SCAMP1: variants seen among roughly 807,000 people sequenced by gnomAD.
SCAMP1 encodes the protein secretory carrier membrane protein 1.
SCAMP1 carries 15 observed loss-of-function variants against 41.8 expected under a neutral mutation model. The ratio of observed to expected loss-of-function variants is 0.36; its 90% CI spans 0.24 to 0.55. SCAMP1 has a LOEUF of 0.55. Among genes scored for constraint, SCAMP1 ranks in the 20% least tolerant of loss-of-function variants. The pLI is 0.86. For synonymous variants in SCAMP1, 135 were observed against 136.8 expected (o/e 0.99, Z 0.09); for missense variants, 341 against 412.6 (o/e 0.83, Z 1.50).
chr5:78,458,792 A>G (rs973202891), intron 7 of SCAMP1, among the ~76,000 whole-genome samples: 6 of 152,172 alleles, frequency 3.9e-5, no homozygotes, highest in Admixed American at 2.0e-4. Flanking sequence ...AGGTAGGAGA[A>G]TCGCTTGAAC....
chr5:78,377,300 T>C (rs1340156257), intron 1 of SCAMP1, among the ~76,000 whole-genome samples: 2 of 152,190 alleles, frequency 1.3e-5, no homozygotes, highest in African/African-American at 4.8e-5. Context: ...TGCTCCCTTT[T>C]CTGGCCACCT....
At chr5:78,408,375 C>G (rs990833946) in intron 2 of SCAMP1, among the ~76,000 whole-genome samples, 1 of 152,104 alleles carries the variant, frequency 6.6e-6, no homozygotes, top group Non-Finnish European at 1.5e-5. Context: ...TCCCATGACA[C>G]GTGGGAATTA....
At chr5:78,389,733 C>T (rs1037632216) in intron 2 of SCAMP1, among the ~76,000 whole-genome samples, 1 of 151,516 alleles carries the variant, frequency 6.6e-6, no homozygotes, top group African/African-American at 2.4e-5. Context: ...TTTTAAAGTT[C>T]TTTTGATGAT....
chr5:78,398,662 G>T (rs1303828936), intron 2 of SCAMP1, among the ~76,000 whole-genome samples: 2 of 145,408 alleles, frequency 1.4e-5, no homozygotes, highest in Non-Finnish European at 1.5e-5. Context: ...TCCTGCCTCA[G>T]CCTCCTGAGT....
chr5:78,430,492 C>G (rs546068273), intron 6 of SCAMP1, among the ~76,000 whole-genome samples: 1 of 151,540 alleles, frequency 6.6e-6, no homozygotes, highest in Admixed American at 6.6e-5. Flanking sequence ...GTTTATATAA[C>G]CAGAAAAAGA....
At chr5:78,382,804 T>A (rs1751240585) in intron 1 of SCAMP1, among the ~76,000 whole-genome samples, 1 of 136,060 alleles carries the variant, frequency 7.3e-6, no homozygotes, top group Non-Finnish European at 1.6e-5. Context: ...TGTGTGTGTG[T>A]GTGTGTGTGT....
chr5:78,439,591 G>A (rs957656050), intron 6 of SCAMP1, among the ~76,000 whole-genome samples: 1 of 152,306 alleles, frequency 6.6e-6, no homozygotes, highest in Non-Finnish European at 1.5e-5. Flanking sequence ...TCTGCTGTTA[G>A]TCTGATGGGC....
chr5:78,417,382 G>A (rs1259461135), intron 4 of SCAMP1, among the ~76,000 whole-genome samples: 1 of 152,214 alleles, frequency 6.6e-6, no homozygotes, highest in Non-Finnish European at 1.5e-5. Flanking sequence ...CTTGCTTGCA[G>A]CATCAGAGGT....
chr5:78,466,668 G>A (rs1753758423), intron 8 of SCAMP1, among the ~76,000 whole-genome samples: 1 of 152,170 alleles, frequency 6.6e-6, no homozygotes, highest in African/African-American at 2.4e-5. Context: ...ACAGGGTCTT[G>A]TTAAGAAGTT....
At position 78,397,404 on chromosome 5, in the gene SCAMP1, A is replaced by C. The variant is rs191507532; in HGVS notation, c.135+8490A>C. Reference sequence around the variant, plus strand: ...GAAGAAGACATAAGAGTAAATCTTCATGACCTTTAGTTAGGCCATGGTTTC... The same window carrying C: ...GAAGAAGACATAAGAGTAAATCTTCCTGACCTTTAGTTAGGCCATGGTTTC... On this transcript the variant is annotated intron_variant, in intron 2 of 8. Coordinates refer to ENST00000621999, the MANE Select transcript of SCAMP1 (RefSeq NM_004866.6). Among the ~76,000 whole-genome samples, 362 of 152,344 alleles carry C rather than the reference A, an allele frequency of 2.4e-3. 1 individual carries two copies. The highest frequency in any genetic ancestry group is 6.3e-3 in the Admixed American group (96 of 15,304).
chr5:78,465,842 TTTC>T (rs1035017707), intron 8 of SCAMP1, among the ~76,000 whole-genome samples: 2 of 152,168 alleles, frequency 1.3e-5, no homozygotes, highest in Non-Finnish European at 2.9e-5. Flanking sequence ...ACAAGTGGGA[TTTC>T]TTCTTCCTCA....
chr5:78,384,080 ATTTG>A (rs1279766182), intron 1 of SCAMP1, among the ~76,000 whole-genome samples: 1 of 148,232 alleles, frequency 6.7e-6, no homozygotes, highest in African/African-American at 2.5e-5. Flanking sequence ...ATGTGTTTTC[ATTTG>A]TTTGTGTCAT....
intron 2 of SCAMP1, among the ~76,000 whole-genome samples, chr5:78,400,719 AT>A (rs1300998601): frequency 6.6e-6 from 1 of 152,164 alleles, no homozygotes; most frequent in Non-Finnish European, 1.5e-5. Flanking sequence ...CCTTAGTATA[AT>A]CATTTATTAG....
chr5:78,442,373 C>G (rs1355582232), intron 6 of SCAMP1, among the ~76,000 whole-genome samples: 2 of 152,138 alleles, frequency 1.3e-5, no homozygotes, highest in African/African-American at 4.8e-5. Context: ...TGGGTTCAAG[C>G]AGTTCTCCTG....
At chr5:78,464,833 G>A (rs1303320582) in intron 8 of SCAMP1, among the ~76,000 whole-genome samples, 6 of 152,050 alleles carry the variant, frequency 3.9e-5, no homozygotes, top group Admixed American at 3.3e-4. Flanking sequence ...TTGTCCTCTC[G>A]GAGAATCACA....
At chr5:78,362,658 T>A (rs543943146) in intron 1 of SCAMP1, among the ~76,000 whole-genome samples, 2 of 152,362 alleles carry the variant, frequency 1.3e-5, no homozygotes, top group South Asian at 4.1e-4. Context: ...TTATGATCTT[T>A]CTCTGTTTTT....
At chr5:78,386,189 C>G (rs749923613) in intron 1 of SCAMP1, among the ~76,000 whole-genome samples, 4 of 152,034 alleles carry the variant, frequency 2.6e-5, no homozygotes, top group Non-Finnish European at 5.9e-5. Flanking sequence ...TGGACTATTC[C>G]TTTTATCATC....
chr5:78,393,449 G>A (rs1751568930), intron 2 of SCAMP1, among the ~76,000 whole-genome samples: 5 of 152,156 alleles, frequency 3.3e-5, no homozygotes, highest in South Asian at 4.1e-4. Flanking sequence ...TGGGATTTTA[G>A]GTGTGAGCTA....
intron 1 of SCAMP1, among the ~76,000 whole-genome samples, chr5:78,381,079 CTG>C (rs978964336): frequency 6.1e-5 from 9 of 147,668 alleles, no homozygotes; most frequent in Admixed American, 2.7e-4. Flanking sequence ...AAAAAAAAAA[CTG>C]TTTCTTGTTT....
Sources: allele counts gnomAD v4.1 joint callset (sites outside exome capture counted in the v4.1 genomes callset), GRCh38; gene constraint gnomAD v4.1.1; transcripts MANE v1.5; gene names NCBI Gene and HGNC (gene_info 2026-07-23, HGNC 2026-07-21).